The following DAPL1 variants were observed in gnomAD, a reference collection of about 807,000 sequenced individuals.
DAPL1 encodes the protein death associated protein like 1.
In DAPL1, 17 loss-of-function variants were observed where a neutral mutation model predicts 12.9. That is an observed-to-expected ratio of 1.32 (90% CI 0.90 to 1.98). The LOEUF (loss-of-function observed/expected upper bound fraction) is 1.98, where lower values mean the gene tolerates loss of function less well. Among genes scored for constraint, DAPL1 ranks in the 30% most tolerant of loss-of-function variants. The pLI, the probability that DAPL1 is intolerant of heterozygous loss-of-function variation, is 0.00. For synonymous variants in DAPL1, 51 were observed against 42.0 expected (o/e 1.21, Z -0.82); for missense variants, 157 against 125.7 (o/e 1.25, Z -1.19).
intron 1 of DAPL1, among the ~76,000 whole-genome samples, chr2:158,802,005 G>A (rs2059170329): frequency 6.6e-6 from 1 of 152,178 alleles, no homozygotes; most frequent in African/African-American, 2.4e-5. Context: ...ACAGAACCAA[G>A]CTCAACCTTT....
chr2:158,796,114 G>A (rs1372238626), intron 1 of DAPL1, among the ~76,000 whole-genome samples: 2 of 151,990 alleles, frequency 1.3e-5, no homozygotes, highest in Non-Finnish European at 2.9e-5. Flanking sequence ...TAGTTTTATT[G>A]TACTTAACCA....
rs1481804654 is a variant in DAPL1, at chr2:158,804,272, C to G, written c.59-10C>G. On this transcript the variant is annotated splice_polypyrimidine_tract_variant and intron_variant, in intron 1 of 3. Coordinates refer to ENST00000309950, the MANE Select transcript of DAPL1 (RefSeq NM_001017920.3). ...TTCTAACTTCCATGCTGATTTTTAT[C>G]TGTTTGTAGTAAAAGCTGGAGGAAT... is the stretch of plus-strand genomic sequence containing the variant. 1.9e-6 allele frequency: 3 copies of G among 1,591,216 alleles called. No individual in the cohort carries two copies. The highest frequency in any genetic ancestry group is 2.7e-5 in the African/African-American group (2 of 74,432).
chr2:158,795,559 C>T, intron 1 of DAPL1, 129 bp downstream of exon 1: 1 of 836,140 alleles, frequency 1.2e-6, no homozygotes, highest in South Asian at 1.6e-5. Context: ...TCCATGCAGC[C>T]TGACTTCCTC....
chr2:158,812,205 T>C (rs555703796), intron 3 of DAPL1, among the ~76,000 whole-genome samples: 2 of 152,348 alleles, frequency 1.3e-5, no homozygotes, highest in East Asian at 3.9e-4. Context: ...TTCTCTATTA[T>C]CTTTGCCAGA....
At chr2:158,813,758 T>A (rs2059245303) in intron 3 of DAPL1, among the ~76,000 whole-genome samples, 1 of 152,126 alleles carries the variant, frequency 6.6e-6, no homozygotes, top group Non-Finnish European at 1.5e-5. Context: ...GGTTTCACCG[T>A]GTTAGCCAGG....
At chr2:158,806,682 A>G (rs1426393722) in intron 2 of DAPL1, among the ~76,000 whole-genome samples, 1 of 151,934 alleles carries the variant, frequency 6.6e-6, no homozygotes, top group Admixed American at 6.5e-5. Context: ...TAAAAATACA[A>G]AAAATTAACC....
rs1401875716 is a variant in DAPL1, at chr2:158,795,344, C to T, written c.-29C>T. On this transcript the variant is annotated 5_prime_UTR_variant, in exon 1 of 4. Coordinates refer to ENST00000309950, the MANE Select transcript of DAPL1 (RefSeq NM_001017920.3). ...AGCTGGCATTCAGCCTCCAGAGCACCAGCACTGGCACTGGCACTGGCACAC... is the reference window on the plus strand; with the variant it reads ...AGCTGGCATTCAGCCTCCAGAGCACTAGCACTGGCACTGGCACTGGCACAC... 3 of 1,552,166 alleles carry T rather than the reference C, an allele frequency of 1.9e-6. No individual in the cohort carries two copies. The East Asian group carries it at 7.3e-5, about 38-fold the overall frequency.
chr2:158,798,322 C>T (rs2059145880), intron 1 of DAPL1, among the ~76,000 whole-genome samples: 1 of 152,190 alleles, frequency 6.6e-6, no homozygotes. Flanking sequence ...TGCATATGGA[C>T]CACGGTCATT....
chr2:158,804,928 C>A (rs562567876), intron 2 of DAPL1, among the ~76,000 whole-genome samples: 5 of 152,350 alleles, frequency 3.3e-5, no homozygotes, highest in African/African-American at 1.2e-4. Context: ...ATTCTCAGAA[C>A]TCAGCAGAGA....
At chr2:158,797,108 A>G (rs114970467) in intron 1 of DAPL1, among the ~76,000 whole-genome samples, 5,157 of 152,282 alleles carry the variant, frequency 0.034, 126 homozygotes, top group Admixed American at 0.045. Context: ...CAAAATACAG[A>G]TCCCTAAAAG....
intron 3 of DAPL1, 74 bp downstream of exon 3, chr2:158,807,189 G>A (rs1028784753): frequency 3.7e-5 from 45 of 1,214,466 alleles, no homozygotes; most frequent in Middle Eastern, 4.0e-4. Flanking sequence ...GTGAATGAGC[G>A]GATGACCACT....
At chr2:158,805,429 G>C (rs1280498177) in intron 2 of DAPL1, among the ~76,000 whole-genome samples, 1 of 152,142 alleles carries the variant, frequency 6.6e-6, no homozygotes, top group Non-Finnish European at 1.5e-5. Context: ...TTCTGACCCA[G>C]CATCTAGGAC....
chr2:158,810,446 C>G (rs932070230), intron 3 of DAPL1, among the ~76,000 whole-genome samples: 3 of 152,184 alleles, frequency 2.0e-5, no homozygotes, highest in Admixed American at 1.3e-4. Flanking sequence ...AATTAAGTCT[C>G]TAAAGAAACT....
At position 158,801,342 on chromosome 2, in the gene DAPL1, G is replaced by A. The variant is rs147841380; in HGVS notation, c.59-2940G>A. ...AAATACTGTTGGGAGGTGTATCAAA[G>A]GCCCCAGAGCTCTTATCTGATTCTT... On this transcript the variant is annotated intron_variant, in intron 1 of 3. Transcript: ENST00000309950. 5.3e-3 allele frequency among the ~76,000 whole-genome samples: 802 copies of A among 152,246 alleles called. 5 individuals are homozygous for A. Among genetic ancestry groups the A allele is most frequent in the African/African-American group, 0.018 (758 of 41,544 alleles).
intron 3 of DAPL1, among the ~76,000 whole-genome samples, chr2:158,811,784 A>G (rs1054870241): frequency 2.0e-5 from 3 of 152,220 alleles, no homozygotes; most frequent in Non-Finnish European, 4.4e-5. Context: ...TACAAATACT[A>G]TCATTTTACA....
At chr2:158,807,946 A>G (rs2105153865) in intron 3 of DAPL1, among the ~76,000 whole-genome samples, 1 of 152,268 alleles carries the variant, frequency 6.6e-6, no homozygotes, top group African/African-American at 2.4e-5. Context: ...TCACCCAGCC[A>G]TATGTCCTGA....
In DAPL1 at chr2:158,815,776, T is replaced by C. The variant is rs751916746; in HGVS notation, c.279T>C (p.Val93=). The change falls in exon 4 of 4, where the codon GTT becomes GTC. Residue 93 remains valine, a synonymous_variant. Transcript: ENST00000309950. ...CCACACCTGCTCTGGAAAAGGTTGTTCCACTGAAAAGGATCTACATTATTC... is the reference window on the plus strand; with the variant it reads ...CCACACCTGCTCTGGAAAAGGTTGTCCCACTGAAAAGGATCTACATTATTC... ...QKPTPALEKV[V]PLKRIYIIQQ... is the part of the protein sequence containing the mutation. 1 of 1,614,078 alleles carries C rather than the reference T, an allele frequency of 6.2e-7. No homozygotes were observed. Among genetic ancestry groups the C allele is most frequent in the Non-Finnish European group, 8.5e-7 (1 of 1,179,936 alleles).
At chr2:158,800,050 G>A (rs551420366) in intron 1 of DAPL1, among the ~76,000 whole-genome samples, 10 of 134,068 alleles carry the variant, frequency 7.5e-5, no homozygotes, top group East Asian at 2.1e-4. Flanking sequence ...GCGACAGAGC[G>A]AGACTCCATC....
chr2:158,795,594 T>A (rs774951556), intron 1 of DAPL1, among the ~76,000 whole-genome samples, 164 bp downstream of exon 1: 4 of 152,222 alleles, frequency 2.6e-5, no homozygotes, highest in Non-Finnish European at 4.4e-5. Context: ...CTTCTTAGCT[T>A]GTATGTAAAT....
Sources: gnomAD v4.1 joint callset for allele counts (sites outside exome capture counted in the v4.1 genomes callset) on GRCh38, gnomAD v4.1.1 for gene constraint, MANE v1.5 for transcripts, NCBI Gene and HGNC (gene_info 2026-07-23, HGNC 2026-07-21) for gene names.